Variants in FBXL7 observed in about 807,000 individuals in gnomAD.
FBXL7 encodes F-box/LRR-repeat protein 7.
A neutral mutation model predicts 38.3 loss-of-function variants in FBXL7; 12 were observed. That is an observed-to-expected ratio of 0.31 (90% CI 0.20 to 0.51). The LOEUF (loss-of-function observed/expected upper bound fraction) is 0.51. FBXL7 is among the 20% of genes least tolerant of loss of function. FBXL7 has a pLI of 0.98. For synonymous variants in FBXL7, 297 were observed against 300.9 expected, an observed-to-expected ratio of 0.99 and a Z score of 0.13; for missense variants, 567 against 676.4, an observed-to-expected ratio of 0.84 and a Z score of 1.79.
intron 1 of FBXL7, among the ~76,000 whole-genome samples, chr5:15,540,826 G>C (rs1390028893): frequency 6.6e-6 from 1 of 151,952 alleles, no homozygotes; most frequent in Non-Finnish European, 1.5e-5. Flanking sequence ...CCTTTTATAA[G>C]GGCACTGATC....
chr5:15,904,037 C>T (rs1424728229), intron 2 of FBXL7, among the ~76,000 whole-genome samples: 1 of 152,104 alleles, frequency 6.6e-6, no homozygotes, highest in Admixed American at 6.6e-5. Flanking sequence ...GTATACCTTA[C>T]AATAGTTACT....
chr5:15,589,086 A>G (rs1170468125), intron 1 of FBXL7, among the ~76,000 whole-genome samples: 1 of 152,244 alleles, frequency 6.6e-6, no homozygotes, highest in African/African-American at 2.4e-5. Context: ...AAAGGTGGAT[A>G]TACAAGAGGA....
intron 1 of FBXL7, among the ~76,000 whole-genome samples, chr5:15,503,914 T>A (rs1459210467): frequency 6.6e-6 from 1 of 152,380 alleles, no homozygotes; most frequent in African/African-American, 2.4e-5. Flanking sequence ...ATTCTGTTGG[T>A]AATCTCATTA....
At chr5:15,905,879 CCCA>C (rs1310789981) in intron 2 of FBXL7, among the ~76,000 whole-genome samples, 1 of 151,926 alleles carries the variant, frequency 6.6e-6, no homozygotes, top group Non-Finnish European at 1.5e-5. Flanking sequence ...CAACCCCAAC[CCCA>C]CCCATGTCAC....
intron 1 of FBXL7, among the ~76,000 whole-genome samples, chr5:15,551,211 A>G (rs1309192958): frequency 1.3e-5 from 2 of 152,134 alleles, no homozygotes; most frequent in East Asian, 3.9e-4. Context: ...GTTTGTGCCC[A>G]TGGGTTTGTG....
chr5:15,555,974 C>CATCTATCTATCT (rs144598945), intron 1 of FBXL7, among the ~76,000 whole-genome samples: 2,158 of 140,964 alleles, frequency 0.015, 18 homozygotes, highest in South Asian at 0.022. Context: ...ATCTGTCTAT[C>CATCTATCTATCT]ATCTATCTAT....
At chr5:15,706,051 G>A (rs370849938) in intron 2 of FBXL7, among the ~76,000 whole-genome samples, 2 of 152,084 alleles carry the variant, frequency 1.3e-5, no homozygotes, top group Admixed American at 1.3e-4. Flanking sequence ...GAATGCAGTC[G>A]CTGAGACCTC....
chr5:15,573,406 C>CA (rs1226191723), intron 1 of FBXL7, among the ~76,000 whole-genome samples: 1 of 151,856 alleles, frequency 6.6e-6, no homozygotes, highest in Non-Finnish European at 1.5e-5. Flanking sequence ...CAAACCAGCT[C>CA]AAAAAAATAG....
rs1157047158 is a variant in FBXL7 at position 15,928,502 on chromosome 5, G to A, written c.739+1G>A. ...AATCTGGAGCACCTGGATGTGTCAG[G>A]TAAATGGACACTGACCTACCAGCTA... On this transcript the variant is annotated splice_donor_variant, in intron 3 of 3. Coordinates refer to ENST00000504595, the MANE Select transcript of FBXL7 (RefSeq NM_012304.5). LOFTEE classifies it high-confidence loss of function. The surrounding 1 kb of genome is among the most constrained non-coding windows in gnomAD (Gnocchi z 4.0). 1 of 1,606,744 alleles carries A rather than the reference G, an allele frequency of 6.2e-7. No individual in the cohort carries two copies. Among genetic ancestry groups the A allele is most frequent in the Non-Finnish European group, 8.5e-7 (1 of 1,175,134 alleles).
At chr5:15,824,919 GA>G (rs1006020474) in intron 2 of FBXL7, among the ~76,000 whole-genome samples, 10 of 152,184 alleles carry the variant, frequency 6.6e-5, no homozygotes, top group Non-Finnish European at 1.3e-4. Flanking sequence ...TGAGAAGCTA[GA>G]AGAGTTTCCA....
chr5:15,517,201 TA>T (rs1230419523), intron 1 of FBXL7, among the ~76,000 whole-genome samples: 1 of 152,078 alleles, frequency 6.6e-6, no homozygotes, highest in East Asian at 1.9e-4. Flanking sequence ...TAACGTTTTG[TA>T]TTTTTAGTAG....
chr5:15,545,150 C>T (rs910486912), intron 1 of FBXL7, among the ~76,000 whole-genome samples: 1 of 152,176 alleles, frequency 6.6e-6, no homozygotes, highest in African/African-American at 2.4e-5. Flanking sequence ...TCTCAATGCT[C>T]ACATTGGACC....
chr5:15,739,001 T>A (rs1244972281), intron 2 of FBXL7, among the ~76,000 whole-genome samples: 1 of 152,224 alleles, frequency 6.6e-6, no homozygotes, highest in Non-Finnish European at 1.5e-5. Flanking sequence ...CTTAACACAT[T>A]GAAAGTACAC....
intron 2 of FBXL7, among the ~76,000 whole-genome samples, chr5:15,738,314 C>T (rs958794442): frequency 6.6e-6 from 1 of 152,156 alleles, no homozygotes; most frequent in East Asian, 1.9e-4. Context: ...TTATGAGCAA[C>T]ACAGTGCTAT....
intron 2 of FBXL7, among the ~76,000 whole-genome samples, chr5:15,664,300 A>G (rs898407996): frequency 1.3e-5 from 2 of 152,050 alleles, no homozygotes; most frequent in African/African-American, 4.8e-5. Context: ...ATTTTATTTC[A>G]CATATATTGT....
chr5:15,830,830 G>T (rs1284255104), intron 2 of FBXL7, among the ~76,000 whole-genome samples: 3 of 152,164 alleles, frequency 2.0e-5, no homozygotes, highest in Non-Finnish European at 4.4e-5. Context: ...TGCCAGGGCA[G>T]CACCCAGTCC....
intron 1 of FBXL7, among the ~76,000 whole-genome samples, chr5:15,609,944 G>A (rs989796422): frequency 6.6e-6 from 1 of 152,150 alleles, no homozygotes; most frequent in Non-Finnish European, 1.5e-5. Context: ...GAGGTGTAAT[G>A]GACTCACAGT....
chr5:15,580,510 A>G, intron 1 of FBXL7: 1 of 511,334 alleles, frequency 2.0e-6, no homozygotes, highest in Non-Finnish European at 2.5e-6. Context: ...ATAATTACCT[A>G]AAAACAGAGT....
At chr5:15,576,057 C>G (rs1738951454) in intron 1 of FBXL7, among the ~76,000 whole-genome samples, 1 of 147,506 alleles carries the variant, frequency 6.8e-6, no homozygotes, top group Non-Finnish European at 1.5e-5. Flanking sequence ...GTAATGGTTG[C>G]CAGAGAATCT....
Sources: gnomAD v4.1 joint callset for allele counts (sites outside exome capture counted in the v4.1 genomes callset) on GRCh38, gnomAD v4.1.1 for gene constraint, Gnocchi (gnomAD v3.1) non-coding constraint, MANE v1.5 for transcripts, NCBI Gene and HGNC (gene_info 2026-07-23, HGNC 2026-07-21) for gene names.